Variants in CATSPERE observed in about 807,000 individuals in gnomAD.
CATSPERE encodes cation channel sperm-associated auxiliary subunit epsilon.
CATSPERE carries 93 observed loss-of-function variants against 114.1 expected under a neutral mutation model. The ratio of observed to expected loss-of-function variants is 0.81; its 90% CI spans 0.69 to 0.97. CATSPERE has a LOEUF of 0.97. CATSPERE is among the 50% of genes least tolerant of loss of function. CATSPERE has a pLI of 0.00. For missense variants in CATSPERE, 1,058 were observed against 1,131.6 expected (o/e 0.93, Z 0.93); for synonymous variants, 341 against 384.1 (o/e 0.89, Z 1.31).
chr1:244,467,781 G>A (rs530989384), intron 2 of CATSPERE, among the ~76,000 whole-genome samples: 1 of 152,160 alleles, frequency 6.6e-6, no homozygotes, highest in Non-Finnish European at 1.5e-5. Context: ...GAAAATAAGT[G>A]CATTGTGTCT....
At position 244,552,488 on chromosome 1, in the gene CATSPERE, C is replaced by G. The variant is rs570739474; in HGVS notation, c.703C>G (p.Arg235Gly). 8.0e-5 allele frequency: 129 copies of G among 1,614,208 alleles called. 1 individual carries two copies. The South Asian group carries it at 1.1e-3, about 13-fold the overall frequency. Residue 235 changes from arginine (R) to glycine (G), a missense_variant, in exon 9 of 22, where the codon CGT becomes GGT. Physicochemically the swap from Arg to Gly is moderately radical, Grantham distance 125 (BLOSUM62 -2). Coordinates refer to ENST00000366534, the MANE Select transcript of CATSPERE (RefSeq NM_001130957.2). ...TGGTTATTTACCAATCTCCTCACCA[C>G]GTGGTAGTCAATTAATGGCTTCCTG... ...IPGYLPISSP[R>G]GSQLMASWDA...
At chr1:244,566,191 G>A (rs957991479) in intron 10 of CATSPERE, among the ~76,000 whole-genome samples, 1 of 152,138 alleles carries the variant, frequency 6.6e-6, no homozygotes, top group African/African-American at 2.4e-5. Flanking sequence ...GAGACTGTTT[G>A]TTATGATTTC....
rs58744339 is a variant in CATSPERE at position 244,624,128 on chromosome 1, AT to A, written c.2648+6458del. Reference sequence around the variant, plus strand: ...AGGCGTCCGCCACCATGCCCAGCTAATTTTTTTTTTTTTTTTGTATTTTTAG... The same window carrying A: ...AGGCGTCCGCCACCATGCCCAGCTAATTTTTTTTTTTTTTTGTATTTTTAG... On this transcript the variant is annotated intron_variant, in intron 20 of 21. Transcript: ENST00000366534. 8.9e-3 allele frequency among the ~76,000 whole-genome samples: 1,115 copies of A among 125,926 alleles called. 20 individuals carry two copies. Among genetic ancestry groups the A allele is most frequent in the African/African-American group, 0.031 (1,067 of 34,410 alleles). 82.6% of individuals were successfully genotyped at this position (125,926 alleles called of 152,430 possible). A position where few individuals can be genotyped will look rare whatever the true frequency, so the allele number is the denominator to read the frequency against.
chr1:244,625,389 A>T (rs866236437), intron 20 of CATSPERE, among the ~76,000 whole-genome samples: 4 of 55,170 alleles, frequency 7.3e-5, no homozygotes, highest in Admixed American at 2.5e-4. Context: ...CTTTATTTTT[A>T]TTATTATTAT....
intron 5 of CATSPERE, 120 bp downstream of exon 5, chr1:244,479,904 C>A: frequency 2.2e-6 from 1 of 460,496 alleles, no homozygotes; most frequent in Non-Finnish European, 3.8e-6. Flanking sequence ...ATTCACCAAC[C>A]AAGCTATTCT....
intron 20 of CATSPERE, among the ~76,000 whole-genome samples, chr1:244,618,712 G>A (rs1357784419): frequency 2.8e-5 from 4 of 142,548 alleles, no homozygotes; most frequent in African/African-American, 1.0e-4. Context: ...GGGAGCCAGA[G>A]GTTGCGGTGA....
chr1:244,598,076 A>G (rs977367105), intron 17 of CATSPERE, among the ~76,000 whole-genome samples: 1 of 152,196 alleles, frequency 6.6e-6, no homozygotes, highest in Non-Finnish European at 1.5e-5. Context: ...GTATTAAAAT[A>G]TATTCATATA....
At chr1:244,620,764 G>A (rs1366784516) in intron 20 of CATSPERE, among the ~76,000 whole-genome samples, 5 of 151,446 alleles carry the variant, frequency 3.3e-5, no homozygotes, top group African/African-American at 7.3e-5. Context: ...CAGGAATTCC[G>A]AAAAAGTACA....
intron 9 of CATSPERE, among the ~76,000 whole-genome samples, chr1:244,558,935 G>A (rs1662119675): frequency 6.6e-6 from 1 of 152,184 alleles, no homozygotes; most frequent in Admixed American, 6.5e-5. Flanking sequence ...CCAGAGTGTG[G>A]ATGGGTTTCT....
At chr1:244,461,206 C>T (rs1002506074), upstream of CATSPERE, among the ~76,000 whole-genome samples, 3 of 152,278 alleles carry the variant, frequency 2.0e-5, no homozygotes, top group Non-Finnish European at 4.4e-5. Flanking sequence ...ATCTCGTGTG[C>T]AGGTTCGCAC....
chr1:244,502,085 CT>C (rs950787779), intron 7 of CATSPERE, among the ~76,000 whole-genome samples: 9 of 148,796 alleles, frequency 6.0e-5, no homozygotes, highest in East Asian at 2.0e-4. Flanking sequence ...CGAATCAGGG[CT>C]TTTTTTTTTC....
intron 11 of CATSPERE, among the ~76,000 whole-genome samples, chr1:244,578,451 G>A (rs572507313): frequency 5.0e-4 from 76 of 152,100 alleles, no homozygotes; most frequent in African/African-American, 1.7e-3. Flanking sequence ...ACACCCGGCC[G>A]TGGTATAACT....
intron 10 of CATSPERE, 75 bp from the exon 11 acceptor site, chr1:244,572,255 G>T: frequency 2.6e-6 from 2 of 757,182 alleles, no homozygotes; most frequent in South Asian, 1.9e-5. Flanking sequence ...AATTATTTTG[G>T]TTAAAAGTAC....
At chr1:244,496,893 A>C (rs1673181051) in intron 6 of CATSPERE, among the ~76,000 whole-genome samples, 1 of 152,220 alleles carries the variant, frequency 6.6e-6, no homozygotes, top group Non-Finnish European at 1.5e-5. Context: ...AGATCAATAC[A>C]AAAGCATAAG....
intron 5 of CATSPERE, among the ~76,000 whole-genome samples, chr1:244,481,849 G>C (rs556376409): frequency 7.3e-4 from 111 of 152,298 alleles, no homozygotes; most frequent in African/African-American, 2.5e-3. Flanking sequence ...AGAACTATGA[G>C]AAATAAAGGT....
intron 7 of CATSPERE, among the ~76,000 whole-genome samples, chr1:244,517,414 C>G (rs989857548): frequency 3.3e-5 from 5 of 151,850 alleles, no homozygotes; most frequent in African/African-American, 1.2e-4. Flanking sequence ...ATATGATTTT[C>G]AGAAACAAAA....
At chr1:244,511,196 T>C (rs1479533576) in intron 7 of CATSPERE, among the ~76,000 whole-genome samples, 8 of 152,180 alleles carry the variant, frequency 5.3e-5, no homozygotes, top group African/African-American at 1.9e-4. Flanking sequence ...AACTGATTTA[T>C]TTATTATTAT....
chr1:244,508,912 G>T (rs1675259334), intron 7 of CATSPERE, among the ~76,000 whole-genome samples: 1 of 150,906 alleles, frequency 6.6e-6, no homozygotes, highest in African/African-American at 2.4e-5. Flanking sequence ...AAAGCAGGAG[G>T]ATCACTTGAG....
Position 244,479,097 on chromosome 1 carries a change from T to G in CATSPERE, c.259-620T>G, listed in dbSNP as rs565082902. On this transcript the variant is annotated intron_variant, in intron 4 of 21. Transcript: ENST00000366534. Reference sequence around the variant, plus strand: ...GGACTCCCTTTCCTTTTGTTTTTTGTTTTTTTTCCCCTTGAGATGGAGTTT... The same window carrying G: ...GGACTCCCTTTCCTTTTGTTTTTTGGTTTTTTTCCCCTTGAGATGGAGTTT... Among the ~76,000 whole-genome samples the G allele has an allele frequency of 2.4e-4, 37 of 151,034 alleles. No homozygotes were observed. The East Asian group carries it at 7.2e-3, about 29-fold the overall frequency.
Sources: gnomAD v4.1 joint callset for allele counts (sites outside exome capture counted in the v4.1 genomes callset) on GRCh38, gnomAD v4.1.1 for gene constraint, MANE v1.5 for transcripts, NCBI Gene and HGNC (gene_info 2026-07-23, HGNC 2026-07-21) for gene names.